Variants in EIPR1 observed in about 807,000 individuals in gnomAD.
EIPR1 encodes the protein EARP complex and GARP complex interacting protein 1.
Under a neutral mutation model 48.1 loss-of-function variants are expected in EIPR1, and 25 were observed. That is an observed-to-expected ratio of 0.52 (90% confidence interval 0.38 to 0.73). The LOEUF is 0.73. Ranked by LOEUF, EIPR1 falls within the 30% of genes least tolerant of loss-of-function variation. EIPR1 has a pLI of 0.00. For synonymous variants in EIPR1, 204 were observed against 201.9 expected (o/e 1.01, Z -0.09); for missense variants, 415 against 506.2 (o/e 0.82, Z 1.73).
rs190704866 is a variant in EIPR1 at position 3,211,497 on chromosome 2, G to A, written c.516+2652C>T. On this transcript the variant is annotated intron_variant, in intron 5 of 8. Coordinates refer to ENST00000382125, the MANE Select transcript of EIPR1 (RefSeq NM_003310.5). ...CAAACGCTATTTGCATTACAGGCAC[G>A]CTGGACATGGCGTTGGCTGCAAGGA... Among the ~76,000 whole-genome samples, 9 of 152,284 alleles carry A rather than the reference G, an allele frequency of 5.9e-5. No individual in the cohort carries two copies. In the East Asian group the frequency reaches 1.5e-3, roughly 26 times the overall value.
intron 5 of EIPR1, chr2:3,208,449 C>G: frequency 2.0e-6 from 3 of 1,486,584 alleles, no homozygotes; most frequent in Non-Finnish European, 2.7e-6. Flanking sequence ...CTGCTTCCGT[C>G]GTTAGCTTTC....
chr2:3,336,322 C>A (rs529964601), intron 3 of EIPR1, among the ~76,000 whole-genome samples: 1 of 152,164 alleles, frequency 6.6e-6, no homozygotes, highest in African/African-American at 2.4e-5. Context: ...TTGGACCAAT[C>A]GGCACAGAGA....
At chr2:3,222,904 G>T (rs970012091) in intron 4 of EIPR1, among the ~76,000 whole-genome samples, 1 of 152,216 alleles carries the variant, frequency 6.6e-6, no homozygotes, top group Non-Finnish European at 1.5e-5. Context: ...CTACATGTTT[G>T]CAGAGTAGTG....
intron 1 of EIPR1, among the ~76,000 whole-genome samples, chr2:3,366,091 T>C (rs901069217): frequency 9.2e-5 from 14 of 152,172 alleles, no homozygotes; most frequent in Non-Finnish European, 2.1e-4. Flanking sequence ...GCGGATCACT[T>C]GAGGTCAGGA....
intron 3 of EIPR1, among the ~76,000 whole-genome samples, chr2:3,268,068 G>A (rs1176950714): frequency 6.6e-6 from 1 of 152,204 alleles, no homozygotes; most frequent in East Asian, 1.9e-4. Context: ...GAGTGGTTGT[G>A]AGTGTGTGCA....
rs148090689 is a variant in EIPR1 at position 3,375,576 on chromosome 2, G to A, written c.42+2072C>T. On this transcript the variant is annotated intron_variant, in intron 1 of 8. Transcript: ENST00000382125. ...TATAGAACCTTCTATCTACCCATGT[G>A]GTCTCTCCCTGTGTATCCCTATGTG... Among the ~76,000 whole-genome samples the A allele has an allele frequency of 3.5e-3, 532 of 152,142 alleles. 7 individuals carry two copies. Among genetic ancestry groups the A allele is most frequent in the African/African-American group, 0.012 (513 of 41,508 alleles).
At chr2:3,305,942 C>T (rs1668929473) in intron 3 of EIPR1, among the ~76,000 whole-genome samples, 6 of 123,820 alleles carry the variant, frequency 4.8e-5, no homozygotes, top group Admixed American at 3.7e-4. Context: ...ATCATCACGC[C>T]AATTCTATGA....
intron 3 of EIPR1, among the ~76,000 whole-genome samples, chr2:3,265,975 A>C (rs1290884296): frequency 1.2e-4 from 18 of 152,296 alleles, no homozygotes; most frequent in African/African-American, 4.3e-4. Context: ...GCCACTACCT[A>C]CTTTTCACAT....
In EIPR1 at chr2:3,189,092, A is replaced by G. The variant is rs141384437; in HGVS notation, c.*242T>C. 2.1e-5 allele frequency: 8 copies of G among 386,382 alleles called. No homozygotes were observed. Among genetic ancestry groups the G allele is most frequent in the Non-Finnish European group, 4.6e-6 (1 of 218,290 alleles). The allele number at this position is 386,382 out of a possible 1,614,324, so 23.9% of individuals were successfully genotyped here. A position where few individuals can be genotyped will look rare whatever the true frequency, so the allele number is the denominator to read the frequency against. ...CACCCTTAAAACAGAAAACATTGTT[A>G]TTCACATAATAATGTGGGGCTCTGT... On this transcript the variant is annotated 3_prime_UTR_variant, in exon 9 of 9. Transcript: ENST00000382125. This position sits in a 1 kb window ranked among gnomAD's most constrained non-coding sequence, Gnocchi z 4.6.
intron 1 of EIPR1, among the ~76,000 whole-genome samples, chr2:3,368,438 A>T (rs949502507): frequency 7.2e-5 from 11 of 152,166 alleles, no homozygotes; most frequent in Admixed American, 4.6e-4. Flanking sequence ...AGGAGTTGGC[A>T]GATGTAGCCC....
intron 1 of EIPR1, among the ~76,000 whole-genome samples, chr2:3,369,738 C>T (rs952222821): frequency 1.3e-5 from 2 of 152,228 alleles, no homozygotes; most frequent in East Asian, 1.9e-4. Flanking sequence ...CCGGGAAGCT[C>T]GAACTGGGTG....
intron 2 of EIPR1, among the ~76,000 whole-genome samples, chr2:3,347,536 T>C (rs565192002): frequency 6.6e-6 from 1 of 152,332 alleles, no homozygotes; most frequent in Non-Finnish European, 1.5e-5. Context: ...CCCAGCCATG[T>C]GGAACTGTGA....
At chr2:3,205,140 C>G (rs1572290343) in intron 5 of EIPR1, among the ~76,000 whole-genome samples, 1 of 152,202 alleles carries the variant, frequency 6.6e-6, no homozygotes, top group African/African-American at 2.4e-5. Flanking sequence ...CCAGGTTGTG[C>G]ACCCTGGGCT....
At chr2:3,341,860 A>G (rs1383606217) in intron 2 of EIPR1, among the ~76,000 whole-genome samples, 2 of 152,204 alleles carry the variant, frequency 1.3e-5, no homozygotes, top group Non-Finnish European at 2.9e-5. Context: ...GAAACGCATT[A>G]GAATAAAAAC....
chr2:3,322,114 A>G (rs35258688), intron 3 of EIPR1, among the ~76,000 whole-genome samples: 10,113 of 152,216 alleles, frequency 0.066, 353 homozygotes, highest in African/African-American at 0.078. Flanking sequence ...TGGGATTCTG[A>G]AATCCGCTCT....
chr2:3,270,178 G>A lies in EIPR1; in HGVS notation c.260-12723C>T, dbSNP rs150892557. 8.3e-3 allele frequency among the ~76,000 whole-genome samples: 1,263 copies of A among 152,298 alleles called. 13 individuals are homozygous for A. Among genetic ancestry groups the A allele is most frequent in the South Asian group, 0.016 (77 of 4,832 alleles). ...AGGACTTGGAAAGCACAAAGCAGGG[G>A]TGAAACAAGGAGGGGATGTCAGGGC... On this transcript the variant is annotated intron_variant, in intron 3 of 8. Transcript: ENST00000382125.
chr2:3,194,478 C>T lies in EIPR1; in HGVS notation c.654-312G>A, dbSNP rs538068034. 15 of 214,656 alleles carry T rather than the reference C, an allele frequency of 7.0e-5. No homozygotes were observed. In the East Asian group the frequency reaches 1.5e-3, roughly 21 times the overall value. 13.3% of individuals were successfully genotyped at this position (214,656 alleles called of 1,614,324 possible). On this transcript the variant is annotated intron_variant, in intron 6 of 8. Coordinates refer to ENST00000382125, the MANE Select transcript of EIPR1 (RefSeq NM_003310.5). Reference sequence around the variant, plus strand: ...GTATCATCTTGAGAATGAAAGCATGCCAGAGGGGCTGCAACAGCCATGGGG... The same window carrying T: ...GTATCATCTTGAGAATGAAAGCATGTCAGAGGGGCTGCAACAGCCATGGGG...
intron 5 of EIPR1, among the ~76,000 whole-genome samples, chr2:3,206,481 C>T (rs985244717): frequency 6.6e-6 from 1 of 152,228 alleles, no homozygotes; most frequent in African/African-American, 2.4e-5. Flanking sequence ...AAGAGTAGAG[C>T]CTTCCTGTAT....
At chr2:3,245,188 CCGTTG>C (rs57101380) in intron 4 of EIPR1, among the ~76,000 whole-genome samples, 86,330 of 150,716 alleles carry the variant, frequency 0.57, 25,037 homozygotes, top group East Asian at 0.75. Flanking sequence ...TTTTACTTTA[CCGTTG>C]CGTTGCGTTG....
Sources: allele counts gnomAD v4.1 joint callset (sites outside exome capture counted in the v4.1 genomes callset), GRCh38; gene constraint gnomAD v4.1.1; non-coding constraint Gnocchi (gnomAD v3.1); transcripts MANE v1.5; gene names NCBI Gene and HGNC (gene_info 2026-07-23, HGNC 2026-07-21).